SERPINI2: variants seen among roughly 807,000 people sequenced by gnomAD.
SERPINI2 encodes serpin I2.
SERPINI2 carries 48 observed loss-of-function variants against 47.3 expected under a neutral mutation model. The ratio of observed to expected loss-of-function variants is 1.02; its 90% CI spans 0.81 to 1.29. The LOEUF (loss-of-function observed/expected upper bound fraction) is 1.29, where lower values mean the gene tolerates loss of function less well. Ranked by LOEUF, SERPINI2 falls within the 50% of genes most tolerant of loss-of-function variation. The probability of loss-of-function intolerance (pLI) is 0.00; values close to 1 mark genes in which losing one functional copy is unlikely to be tolerated. For missense variants in SERPINI2, 448 were observed against 456.9 expected (o/e 0.98, Z 0.18); for synonymous variants, 135 against 149.3 (o/e 0.90, Z 0.70).
upstream of SERPINI2, among the ~76,000 whole-genome samples, chr3:167,475,823 A>C (rs1049792150): frequency 4.0e-5 from 6 of 151,728 alleles, no homozygotes; most frequent in African/African-American, 1.4e-4. Flanking sequence ...CTAGGAATAT[A>C]TATAAAAACC....
chr3:167,449,273 C>G, intron 7 of SERPINI2, 43 bp downstream of exon 7: 1 of 1,291,286 alleles, frequency 7.7e-7, no homozygotes, highest in Non-Finnish European at 1.1e-6. Flanking sequence ...TTCATCCTCT[C>G]CCCATGTTTC....
chr3:167,448,672 G>A (rs993181403), intron 7 of SERPINI2, among the ~76,000 whole-genome samples: 5 of 152,194 alleles, frequency 3.3e-5, no homozygotes, highest in Admixed American at 6.5e-5. Context: ...ACAGGCATCC[G>A]CCACCACGCC....
chr3:167,446,057 T>G (rs2108150121), intron 8 of SERPINI2, among the ~76,000 whole-genome samples: 1 of 152,334 alleles, frequency 6.6e-6, no homozygotes, highest in South Asian at 2.1e-4. Flanking sequence ...ACTCTGACAC[T>G]TTCTAGCTAC....
intron 6 of SERPINI2, among the ~76,000 whole-genome samples, chr3:167,449,780 A>G (rs1269820914): frequency 6.6e-6 from 1 of 152,236 alleles, no homozygotes; most frequent in Non-Finnish European, 1.5e-5. Flanking sequence ...GGTGTGAGCC[A>G]CCACGCCCAG....
intron 7 of SERPINI2, 129 bp downstream of exon 7, chr3:167,449,187 T>C (rs1749569156): frequency 1.5e-6 from 1 of 676,084 alleles, no homozygotes; most frequent in East Asian, 2.8e-5. Context: ...ATTTCCTTTT[T>C]TTCCTCCTGA....
At position 167,465,466 on chromosome 3, in the gene SERPINI2, T is replaced by C. The variant is rs1303107381; in HGVS notation, c.673+13A>G. The C allele has an allele frequency of 4.3e-6, 7 of 1,611,096 alleles. No homozygotes were observed. Among genetic ancestry groups the C allele is most frequent in the Middle Eastern group, 1.7e-4 (1 of 6,040 alleles). ...TCAAGACTATGCTTAGGAACTGTGG[T>C]TTCTCACATTACCATATTTTGTTCT... On this transcript the variant is annotated intron_variant, in intron 4 of 8. Coordinates refer to ENST00000264677, the Ensembl canonical transcript of SERPINI2.
upstream of SERPINI2, among the ~76,000 whole-genome samples, chr3:167,476,483 G>A (rs1750481335): frequency 6.6e-6 from 1 of 151,962 alleles, no homozygotes; most frequent in South Asian, 2.1e-4. Context: ...TGTTAATTAA[G>A]GATGGAATTA....
intron 6 of SERPINI2, among the ~76,000 whole-genome samples, chr3:167,452,315 C>A (rs892326641): frequency 1.3e-5 from 2 of 151,978 alleles, no homozygotes; most frequent in African/African-American, 4.8e-5. Context: ...TAGTGTGTAC[C>A]ACTGAGACTC....
intron 5 of SERPINI2, among the ~76,000 whole-genome samples, chr3:167,461,554 C>T (rs1190437878): frequency 4.0e-5 from 6 of 150,810 alleles, no homozygotes; most frequent in African/African-American, 9.7e-5. Flanking sequence ...ATGACGAGGG[C>T]GTAAGCTATT....
At chr3:167,461,331 TAACTG>T (rs1267329018) in intron 5 of SERPINI2, among the ~76,000 whole-genome samples, 2 of 152,238 alleles carry the variant, frequency 1.3e-5, no homozygotes, top group African/African-American at 4.8e-5. Flanking sequence ...TGAGATACTG[TAACTG>T]AAACTGCCAA....
rs371002086 is a variant in SERPINI2, at chr3:167,446,496, C to T, written c.1052-15G>A. 47 of 1,487,042 alleles carry T rather than the reference C, an allele frequency of 3.2e-5. No homozygotes were observed. Among genetic ancestry groups the T allele is most frequent in the Middle Eastern group, 1.7e-4 (1 of 5,764 alleles). The allele number at this position is 1,487,042 out of a possible 1,614,324, so 92.1% of individuals were successfully genotyped here. On this transcript the variant is annotated splice_polypyrimidine_tract_variant and intron_variant, in intron 7 of 8. Transcript: ENST00000264677. The stretch of plus-strand genomic sequence containing the variant: ...GATGTGTATGCCTATAAAATAGAGA[C>T]AACAGTTATTTAGATACTTGCATTA...
upstream of SERPINI2, among the ~76,000 whole-genome samples, chr3:167,476,906 C>T (rs1750495415): frequency 6.6e-6 from 1 of 151,978 alleles, no homozygotes; most frequent in African/African-American, 2.4e-5. Context: ...TTTATAACAT[C>T]TTAACATTCC....
At chr3:167,471,672 C>A (rs1299361995) in exon 2 of SERPINI2, 5 of 1,613,514 alleles carry the variant, frequency 3.1e-6, no homozygotes, top group African/African-American at 1.3e-5. Flanking sequence ...ATCTCAAGAA[C>A]CAAAGTTATT....
chr3:167,475,126 A>G (rs926508275), upstream of SERPINI2, among the ~76,000 whole-genome samples: 102 of 151,854 alleles, frequency 6.7e-4, no homozygotes, highest in African/African-American at 2.4e-3. Context: ...CCATATAGGC[A>G]TCTCCAAATG....
At chr3:167,447,261 TA>T (rs1468878412) in intron 7 of SERPINI2, among the ~76,000 whole-genome samples, 1 of 152,188 alleles carries the variant, frequency 6.6e-6, no homozygotes, top group East Asian at 1.9e-4. Context: ...AATATAATCT[TA>T]GTATGATAAC....
At chr3:167,467,679 A>T (rs964101382) in intron 2 of SERPINI2, among the ~76,000 whole-genome samples, 1 of 152,224 alleles carries the variant, frequency 6.6e-6, no homozygotes, top group African/African-American at 2.4e-5. Flanking sequence ...ATGAATGCTG[A>T]TGGGGGCATG....
At chr3:167,476,138 T>C (rs1750475282), upstream of SERPINI2, among the ~76,000 whole-genome samples, 2 of 151,802 alleles carry the variant, frequency 1.3e-5, no homozygotes, top group South Asian at 4.2e-4. Flanking sequence ...TGACATATCC[T>C]ATTTTAATGT....
At chr3:167,443,767 A>AATCTGTCT (rs1172719374) in intron 8 of SERPINI2, among the ~76,000 whole-genome samples, 1 of 152,318 alleles carries the variant, frequency 6.6e-6, no homozygotes, top group East Asian at 1.9e-4. Flanking sequence ...CAGCCTTTTC[A>AATCTGTCT]ATCTGTCTCT....
chr3:167,467,332 A>G, intron 2 of SERPINI2, 47 bp from the exon 3 acceptor site: 1 of 1,382,440 alleles, frequency 7.2e-7, no homozygotes. Context: ...CAACATAAAA[A>G]CAACAGCTTT....
Sources: allele counts gnomAD v4.1 joint callset (sites outside exome capture counted in the v4.1 genomes callset), GRCh38; gene constraint gnomAD v4.1.1; transcripts MANE v1.5; gene names NCBI Gene and HGNC (gene_info 2026-07-23, HGNC 2026-07-21).